PRDM16: variants seen among roughly 807,000 people sequenced by gnomAD.
The protein encoded by PRDM16 is histone-lysine N-methyltransferase PRDM16.
PRDM16 carries 23 observed loss-of-function variants against 110.6 expected under a neutral mutation model. The observed-to-expected ratio is 0.21, with a 90% CI of 0.15 to 0.29. The LOEUF is 0.29. PRDM16 is among the 10% of genes least tolerant of loss of function. The pLI is 1.00. For synonymous variants in PRDM16, 799 were observed against 781.8 expected (o/e 1.02, Z -0.37); for missense variants, 1,615 against 1,794.3 (o/e 0.90, Z 1.81).
intron 1 of PRDM16, among the ~76,000 whole-genome samples, chr1:3,144,467 C>T (rs530748835): frequency 4.0e-5 from 6 of 149,264 alleles, no homozygotes; most frequent in African/African-American, 7.3e-5. Flanking sequence ...CCAGGCAGGG[C>T]GTATCCAGGT....
At chr1:3,092,123 CTT>C (rs1642292301) in intron 1 of PRDM16, among the ~76,000 whole-genome samples, 1 of 151,418 alleles carries the variant, frequency 6.6e-6, no homozygotes, top group Admixed American at 6.6e-5. Context: ...CTGCTGCATG[CTT>C]GGTGTTACCT....
intron 3 of PRDM16, among the ~76,000 whole-genome samples, chr1:3,363,689 G>A (rs6658356): frequency 0.12 from 17,762 of 152,074 alleles, 1,516 homozygotes; most frequent in African/African-American, 0.25. Flanking sequence ...CGGGGGGCAG[G>A]TGCACAGCTC....
intron 3 of PRDM16, among the ~76,000 whole-genome samples, chr1:3,349,996 A>G (rs1262792324): frequency 1.4e-5 from 2 of 145,124 alleles, no homozygotes; most frequent in Non-Finnish European, 1.5e-5. Flanking sequence ...GACAGCAGTC[A>G]GAGGCCTGGA....
chr1:3,176,465 C>G (rs983630995), intron 1 of PRDM16, among the ~76,000 whole-genome samples: 2 of 150,136 alleles, frequency 1.3e-5, no homozygotes, highest in Non-Finnish European at 3.0e-5. Context: ...GAAGACCCTT[C>G]TGGCAGACAC....
At chr1:3,147,018 G>A (rs1162156334) in intron 1 of PRDM16, among the ~76,000 whole-genome samples, 13 of 133,842 alleles carry the variant, frequency 9.7e-5, no homozygotes, top group South Asian at 2.8e-4. Flanking sequence ...GGGGGTATGC[G>A]CACGTGTGTG....
At chr1:3,270,356 G>A (rs1301597015) in intron 3 of PRDM16, among the ~76,000 whole-genome samples, 6 of 137,016 alleles carry the variant, frequency 4.4e-5, no homozygotes, top group South Asian at 2.4e-4. Flanking sequence ...GGACAGTCCC[G>A]GAGGAGGACA....
chr1:3,110,101 T>G (rs1197774989), intron 1 of PRDM16, among the ~76,000 whole-genome samples: 1 of 127,902 alleles, frequency 7.8e-6, no homozygotes, highest in African/African-American at 3.0e-5. Context: ...ACAGTGGCTG[T>G]GGCTCCCCCA....
chr1:3,430,639 C>T lies in PRDM16; in HGVS notation c.3285-233C>T, dbSNP rs192958292. Among the ~76,000 whole-genome samples, 1,218 of 152,348 alleles carry T rather than the reference C, an allele frequency of 8.0e-3. 19 individuals are homozygous for T. Among genetic ancestry groups the T allele is most frequent in the African/African-American group, 0.025 (1,025 of 41,588 alleles). ...AGCTTGCTGCTGGGCCTTGCCCTGCCCCCACCGCCCCGAGCGCTTGCCCTC... is the reference window on the plus strand; with the variant it reads ...AGCTTGCTGCTGGGCCTTGCCCTGCTCCCACCGCCCCGAGCGCTTGCCCTC... On this transcript the variant is annotated intron_variant, in intron 14 of 16. Transcript: ENST00000270722.
intron 3 of PRDM16, among the ~76,000 whole-genome samples, chr1:3,343,458 G>A (rs1444940415): frequency 6.6e-6 from 1 of 150,566 alleles, no homozygotes; most frequent in African/African-American, 2.4e-5. Context: ...CTTTTGATTG[G>A]TGAATGCTTT....
At chr1:3,193,542 A>T (rs1247951511) in intron 2 of PRDM16, among the ~76,000 whole-genome samples, 4 of 151,944 alleles carry the variant, frequency 2.6e-5, no homozygotes, top group Non-Finnish European at 4.4e-5. Context: ...ACAGCCATGG[A>T]CCTCCGCACT....
At chr1:3,321,801 C>A (rs574953913) in intron 3 of PRDM16, among the ~76,000 whole-genome samples, 156 of 133,552 alleles carry the variant, frequency 1.2e-3, no homozygotes, top group Non-Finnish European at 2.0e-3. Flanking sequence ...AGTGTGCGTG[C>A]GTGTGTGTAG....
intron 3 of PRDM16, among the ~76,000 whole-genome samples, chr1:3,321,886 ATG>A (rs1440884011): frequency 4.0e-5 from 6 of 149,752 alleles, no homozygotes; most frequent in Non-Finnish European, 4.4e-5. Context: ...GGGTGCATAT[ATG>A]TGTTTGTGTT....
intron 3 of PRDM16, among the ~76,000 whole-genome samples, chr1:3,347,176 C>A (rs1247804018): frequency 1.3e-5 from 2 of 152,218 alleles, no homozygotes; most frequent in Non-Finnish European, 2.9e-5. Context: ...GGCCGTCCCT[C>A]CCAGGACACT....
chr1:3,102,088 G>A (rs1300809876), intron 1 of PRDM16, among the ~76,000 whole-genome samples: 1 of 152,182 alleles, frequency 6.6e-6, no homozygotes, highest in African/African-American at 2.4e-5. Context: ...AGGATGCCCC[G>A]GCCACAGCTA....
At chr1:3,261,488 G>A (rs373026986) in intron 3 of PRDM16, among the ~76,000 whole-genome samples, 1 of 152,252 alleles carries the variant, frequency 6.6e-6, no homozygotes, top group African/African-American at 2.4e-5. Flanking sequence ...GAGACGGGGT[G>A]AGAAAGCTGA....
chr1:3,147,001 T>C (rs56813547), intron 1 of PRDM16, among the ~76,000 whole-genome samples: 12,353 of 66,336 alleles, frequency 0.19, 2,362 homozygotes, highest in African/African-American at 0.51. Context: ...TGTGTGTGCT[T>C]GGTGTGGGGG....
chr1:3,147,356 G>T (rs779619802), intron 1 of PRDM16, among the ~76,000 whole-genome samples: 1 of 152,038 alleles, frequency 6.6e-6, no homozygotes. Context: ...CCTGTTTGCC[G>T]TCCCTGTCCC....
intron 1 of PRDM16, among the ~76,000 whole-genome samples, chr1:3,102,599 C>A (rs1642558872): frequency 6.6e-6 from 1 of 152,220 alleles, no homozygotes; most frequent in African/African-American, 2.4e-5. Flanking sequence ...GGGTTTTCTG[C>A]ACTGTGCATG....
chr1:3,251,559 G>A (rs1480807242), intron 3 of PRDM16, among the ~76,000 whole-genome samples: 1 of 152,056 alleles, frequency 6.6e-6, no homozygotes, highest in African/African-American at 2.4e-5. Flanking sequence ...AGGGGTCAGG[G>A]TGCACAGGTG....
Sources: gnomAD v4.1 joint callset for allele counts (sites outside exome capture counted in the v4.1 genomes callset) on GRCh38, gnomAD v4.1.1 for gene constraint, MANE v1.5 for transcripts, NCBI Gene and HGNC (gene_info 2026-07-23, HGNC 2026-07-21) for gene names.